The following COPG1 variants were observed in gnomAD, a reference collection of about 807,000 sequenced individuals.
The protein encoded by COPG1 is coatomer subunit gamma-1.
Under a neutral mutation model 102.8 loss-of-function variants are expected in COPG1, and 29 were observed. That is an observed-to-expected ratio of 0.28 (90% CI 0.21 to 0.38). The LOEUF (loss-of-function observed/expected upper bound fraction) is 0.38. Among genes scored for constraint, COPG1 ranks in the 10% least tolerant of loss-of-function variants. The pLI, the probability that COPG1 is intolerant of heterozygous loss-of-function variation, is 1.00. For missense variants in COPG1, 875 were observed against 1,132.7 expected (o/e 0.77, Z 3.27); for synonymous variants, 406 against 421.6 (o/e 0.96, Z 0.45).
At chr3:129,253,025 C>A in intron 5 of COPG1, 70 bp downstream of exon 5, 2 of 1,359,978 alleles carry the variant, frequency 1.5e-6, no homozygotes, top group Non-Finnish European at 2.1e-6. Flanking sequence ...CTTGTGTGTA[C>A]CAGACAGTGA....
chr3:129,258,827 G>A (rs1356940268), intron 10 of COPG1, among the ~76,000 whole-genome samples: 1 of 152,182 alleles, frequency 6.6e-6, no homozygotes. Flanking sequence ...TCTGTGCAGG[G>A]CCCTGCTCTG....
At chr3:129,276,752 C>CG (rs1374746450) in intron 23 of COPG1, among the ~76,000 whole-genome samples, 1 of 151,768 alleles carries the variant, frequency 6.6e-6, no homozygotes, top group Non-Finnish European at 1.5e-5. Context: ...TAGCAGAAGC[C>CG]TGAAATATGG....
At chr3:129,266,041 A>G (rs200657618) in intron 14 of COPG1, among the ~76,000 whole-genome samples, 1 of 151,592 alleles carries the variant, frequency 6.6e-6, no homozygotes, top group Non-Finnish European at 1.5e-5. Context: ...GCGCAATCTC[A>G]GCTCACTGCA....
intron 7 of COPG1, 101 bp downstream of exon 7, chr3:129,255,178 TC>T: frequency 1.3e-6 from 1 of 762,820 alleles, no homozygotes; most frequent in Non-Finnish European, 2.1e-6. Context: ...TTTCTTTCTT[TC>T]TTTTTTTTTT....
chr3:129,255,850 A>G (rs1251500189), intron 7 of COPG1, among the ~76,000 whole-genome samples: 7 of 151,712 alleles, frequency 4.6e-5, no homozygotes, highest in Non-Finnish European at 8.8e-5. Context: ...CAGCCAAGAA[A>G]CTCTGGGGTG....
chr3:129,257,996 C>G, intron 10 of COPG1, 136 bp downstream of exon 10: 1 of 1,098,284 alleles, frequency 9.1e-7, no homozygotes, highest in Non-Finnish European at 1.3e-6. Flanking sequence ...GCACCTGCCC[C>G]AGACACTATG....
intron 7 of COPG1, 31 bp from the exon 8 acceptor site, chr3:129,256,037 C>A: frequency 6.3e-7 from 1 of 1,599,214 alleles, no homozygotes; most frequent in Non-Finnish European, 8.6e-7. Context: ...ACACTTCCTA[C>A]CTGCCCCTTA....
At chr3:129,260,878 G>C (rs2107675467) in intron 12 of COPG1, 71 bp downstream of exon 12, 1 of 1,513,660 alleles carries the variant, frequency 6.6e-7, no homozygotes, top group East Asian at 2.3e-5. Context: ...TGTGGCCACA[G>C]CCTTCCTGCC....
In COPG1 at chr3:129,277,369, C is replaced by T. The variant is rs1278780003; in HGVS notation, c.2570C>T (p.Thr857Ile). Residue 857 changes from threonine (T) to isoleucine (I), a missense_variant, in exon 24 of 24, where the codon ACA (threonine) becomes ATA (isoleucine). Thr to Ile is a moderately conservative substitution (Grantham distance 89, BLOSUM62 -1). Coordinates refer to ENST00000314797, the MANE Select transcript of COPG1 (RefSeq NM_016128.4). ...LLLDTVTMQV[T>I]ARSLEELPVD... ...TTGGACACAGTGACAATGCAGGTGA[C>T]AGCCAGAAGTTTGGAGGAGCTGCCA... 2 of 1,613,902 alleles carry T rather than the reference C, an allele frequency of 1.2e-6. No individual in the cohort carries two copies. The highest frequency in any genetic ancestry group is 1.3e-5 in the African/African-American group (1 of 74,878).
chr3:129,256,897 C>T (rs1351306783), intron 8 of COPG1, among the ~76,000 whole-genome samples: 1 of 152,224 alleles, frequency 6.6e-6, no homozygotes, highest in Non-Finnish European at 1.5e-5. Flanking sequence ...AAGAGAGTAT[C>T]GAGGACAGGA....
chr3:129,251,016 C>G lies in COPG1; in HGVS notation c.90+282C>G, dbSNP rs4927954. ...TCGGCTCACTGCAAGCTCCGCCTTC[C>G]AGGTTCACGCCATTCTCCTGCCTCA... On this transcript the variant is annotated intron_variant, in intron 2 of 23. Coordinates refer to ENST00000314797, the MANE Select transcript of COPG1 (RefSeq NM_016128.4). 1,198 of 312,558 alleles carry G rather than the reference C, an allele frequency of 3.8e-3. 5 individuals are homozygous for G. Among genetic ancestry groups the G allele is most frequent in the African/African-American group, 0.014 (609 of 43,354 alleles). The allele number at this position is 312,558 out of a possible 1,614,324, so 19.4% of individuals were successfully genotyped here.
chr3:129,252,529 C>CT, intron 3 of COPG1, 94 bp from the exon 4 acceptor site: 1 of 1,177,204 alleles, frequency 8.5e-7, no homozygotes, highest in Middle Eastern at 2.0e-4. Context: ...CCTTGAGCCT[C>CT]TTTAGGGTCT....
At position 129,267,291 on chromosome 3, in the gene COPG1, A is replaced by G. The variant is rs556757878; in HGVS notation, c.1544+192A>G. The G allele has an allele frequency of 7.1e-5, 33 of 464,134 alleles. No homozygotes were observed. In the East Asian group the frequency reaches 1.2e-3, roughly 17 times the overall value. 28.8% of individuals were successfully genotyped at this position (464,134 alleles called of 1,614,324 possible). A position where few individuals can be genotyped will look rare whatever the true frequency, so the allele number is the denominator to read the frequency against. On this transcript the variant is annotated intron_variant, in intron 15 of 23. Coordinates refer to ENST00000314797, the MANE Select transcript of COPG1 (RefSeq NM_016128.4). ...CAAATTGCACCAACCAGATGTGACA[A>G]TTGGTAACTTGAATTATTTTGTCCA...
intron 4 of COPG1, 54 bp downstream of exon 4, chr3:129,252,748 G>A (rs1939726054): frequency 5.1e-6 from 8 of 1,575,640 alleles, no homozygotes; most frequent in South Asian, 1.1e-5. Context: ...ACAAGGTGGT[G>A]GGAGGGCCAA....
chr3:129,254,895 C>A, intron 6 of COPG1, 90 bp from the exon 7 acceptor site: 2 of 1,231,808 alleles, frequency 1.6e-6, no homozygotes, highest in African/African-American at 1.5e-5. Context: ...TTACTTCCTC[C>A]TCATACTCAT....
intron 18 of COPG1, among the ~76,000 whole-genome samples, chr3:129,269,478 A>C (rs1313532454): frequency 1.3e-5 from 2 of 152,138 alleles, no homozygotes; most frequent in Non-Finnish European, 2.9e-5. Context: ...TATCCACTGA[A>C]TTCAGTAGAT....
chr3:129,252,276 C>T lies in COPG1; in HGVS notation c.91-5C>T, dbSNP rs771118633. On this transcript the variant is annotated splice_region_variant and splice_polypyrimidine_tract_variant and intron_variant, in intron 2 of 23. Transcript: ENST00000314797. ...AAGGTAACATCTTTGGTCATTTCTT[C>T]TTAGGCCCGTGTATTTAATGAAACT... is the stretch of plus-strand genomic sequence containing the variant. 5 of 1,598,154 alleles carry T rather than the reference C, an allele frequency of 3.1e-6. No individual in the cohort carries two copies. The highest frequency in any genetic ancestry group is 2.2e-5 in the East Asian group (1 of 44,806).
At chr3:129,257,327 G>A in intron 8 of COPG1, 143 bp from the exon 9 acceptor site, 1 of 793,660 alleles carries the variant, frequency 1.3e-6, no homozygotes, top group Non-Finnish European at 2.1e-6. Flanking sequence ...AGTACCTGGG[G>A]CAGTTGTCAC....
chr3:129,267,854 C>T (rs1940098346), intron 15 of COPG1, 83 bp from the exon 16 acceptor site: 2 of 1,069,474 alleles, frequency 1.9e-6, no homozygotes, highest in Admixed American at 3.8e-5. Flanking sequence ...TCCCTATGGA[C>T]TTACCTCTAA....
Sources: gnomAD v4.1 joint callset for allele counts (sites outside exome capture counted in the v4.1 genomes callset) on GRCh38, gnomAD v4.1.1 for gene constraint, MANE v1.5 for transcripts, NCBI Gene and HGNC (gene_info 2026-07-23, HGNC 2026-07-21) for gene names.